MAGI1: variants seen among roughly 807,000 people sequenced by gnomAD.
MAGI1 encodes membrane-associated guanylate kinase, WW and PDZ domain-containing protein 1.
A neutral mutation model predicts 139.9 loss-of-function variants in MAGI1; 58 were observed. The ratio of observed to expected loss-of-function variants is 0.41; its 90% CI spans 0.34 to 0.52. The LOEUF is 0.52. Ranked by LOEUF, MAGI1 falls within the 20% of genes least tolerant of loss-of-function variation. MAGI1 has a pLI of 0.12. For missense variants in MAGI1, 1,874 were observed against 1,901.6 expected (o/e 0.99, Z 0.27); for synonymous variants, 812 against 737.9 (o/e 1.10, Z -1.63).
intron 1 of MAGI1, among the ~76,000 whole-genome samples, chr3:66,008,470 A>G (rs891589770): frequency 2.0e-5 from 3 of 152,174 alleles, no homozygotes; most frequent in African/African-American, 4.8e-5. Context: ...CAGGCACAGC[A>G]ATGCCCTTGA....
intron 1 of MAGI1, among the ~76,000 whole-genome samples, chr3:65,998,453 C>T (rs1397132295): frequency 1.3e-5 from 2 of 152,186 alleles, no homozygotes; most frequent in Non-Finnish European, 2.9e-5. Flanking sequence ...AATGAAAAGA[C>T]TCAACTTGTT....
intron 1 of MAGI1, among the ~76,000 whole-genome samples, chr3:65,876,958 T>C (rs1036825656): frequency 2.0e-5 from 3 of 152,178 alleles, no homozygotes; most frequent in Non-Finnish European, 4.4e-5. Flanking sequence ...TTAGCCAGGA[T>C]GGTCTCAATC....
At chr3:65,797,684 C>T (rs2040236409) in intron 1 of MAGI1, among the ~76,000 whole-genome samples, 2 of 152,006 alleles carry the variant, frequency 1.3e-5, no homozygotes, top group Admixed American at 6.6e-5. Flanking sequence ...CCACTGCACT[C>T]CAGCTTGAGC....
intron 1 of MAGI1, among the ~76,000 whole-genome samples, chr3:65,717,116 T>C (rs943076327): frequency 3.9e-5 from 6 of 152,180 alleles, no homozygotes; most frequent in African/African-American, 1.4e-4. Flanking sequence ...AGAGGAGGCC[T>C]TTTCCTGGCT....
In MAGI1 at chr3:65,367,027, C is replaced by T. The variant is rs559707832; in HGVS notation, c.3197-2081G>A. Among the ~76,000 whole-genome samples, 9 of 152,284 alleles carry T rather than the reference C, an allele frequency of 5.9e-5. No homozygotes were observed. In the East Asian group the frequency reaches 7.7e-4, roughly 13 times the overall value. ...AGGACAAACAAGCTGTATAGCCCAT[C>T]GCTGTGACTCTCCAGAACTTTCATA... is the stretch of plus-strand genomic sequence containing the variant. On this transcript the variant is annotated intron_variant, in intron 18 of 22. Transcript: ENST00000402939.
intron 12 of MAGI1, among the ~76,000 whole-genome samples, chr3:65,415,827 C>T (rs1010479676): frequency 6.6e-6 from 1 of 152,122 alleles, no homozygotes; most frequent in Non-Finnish European, 1.5e-5. Context: ...ACTGGGGAGA[C>T]GGGGGTGCTA....
chr3:65,627,486 T>TG (rs2084037758), intron 1 of MAGI1, among the ~76,000 whole-genome samples: 2 of 10,744 alleles, frequency 1.9e-4, no homozygotes, highest in Non-Finnish European at 3.5e-4. Flanking sequence ...TTTCTGTATC[T>TG]TTTTTTTTTT....
chr3:65,539,146 T>C (rs2079092626), intron 2 of MAGI1, among the ~76,000 whole-genome samples: 1 of 151,850 alleles, frequency 6.6e-6, no homozygotes, highest in Non-Finnish European at 1.5e-5. Context: ...ATGTACCAAC[T>C]ACCGTCAAAC....
chr3:65,481,725 T>C lies in MAGI1; in HGVS notation c.551-2927A>G, dbSNP rs114506675. On this transcript the variant is annotated intron_variant, in intron 3 of 22. Transcript: ENST00000402939. ...TCATAAAATTATTAATCATTTAAAA[T>C]CAATGAAAACTTCAACATCTGCATT... Among the ~76,000 whole-genome samples the C allele has an allele frequency of 2.5e-3, 378 of 152,286 alleles. 1 individual carries two copies. The highest frequency in any genetic ancestry group is 8.3e-3 in the African/African-American group (343 of 41,562).
Position 65,611,023 on chromosome 3 carries a change from GTGTATATAGTATATA to G in MAGI1, c.430+10934_430+10948del, listed in dbSNP as rs2106936242. Among the ~76,000 whole-genome samples the G allele has an allele frequency of 1.6e-5, 2 of 127,166 alleles. 1 individual carries two copies. The highest frequency in any genetic ancestry group is 4.9e-4 in the South Asian group (2 of 4,078). 83.4% of individuals were successfully genotyped at this position (127,166 alleles called of 152,430 possible). A position where few individuals can be genotyped will look rare whatever the true frequency, so the allele number is the denominator to read the frequency against. Reference sequence around the variant, plus strand: ...ATATACATATATACATACATATAGTGTGTATATAGTATATATACTATATACATATATACATACATA... The same window carrying G: ...ATATACATATATACATACATATAGTGTACTATATACATATATACATACATA... On this transcript the variant is annotated intron_variant, in intron 2 of 22. Transcript: ENST00000402939.
chr3:65,993,409 G>T (rs866278014), intron 1 of MAGI1, among the ~76,000 whole-genome samples: 15 of 152,140 alleles, frequency 9.9e-5, no homozygotes, highest in Non-Finnish European at 1.8e-4. Context: ...GAAACCCACA[G>T]GCAATTAGAA....
chr3:65,410,380 G>A (rs1945699703), intron 12 of MAGI1, among the ~76,000 whole-genome samples: 1 of 152,218 alleles, frequency 6.6e-6, no homozygotes, highest in African/African-American at 2.4e-5. Flanking sequence ...TGATGGTCAA[G>A]TAACATGGCC....
intron 1 of MAGI1, among the ~76,000 whole-genome samples, chr3:65,638,627 T>TCC (rs1553684278): frequency 3.5e-5 from 4 of 115,498 alleles, no homozygotes; most frequent in African/African-American, 1.5e-4. Context: ...TTTTTTTTTT[T>TCC]CAGACAGAGT....
chr3:65,487,986 T>C (rs928993919), intron 3 of MAGI1, among the ~76,000 whole-genome samples: 1 of 152,220 alleles, frequency 6.6e-6, no homozygotes, highest in South Asian at 2.1e-4. Flanking sequence ...CAAGAACCAC[T>C]GGCTGCCATA....
chr3:65,702,150 G>A (rs1385218523), intron 1 of MAGI1, among the ~76,000 whole-genome samples: 1 of 152,110 alleles, frequency 6.6e-6, no homozygotes, highest in East Asian at 1.9e-4. Context: ...CGAGCCCACT[G>A]GTCCCCCATA....
chr3:65,373,416 C>A (rs1358862013), intron 18 of MAGI1, among the ~76,000 whole-genome samples: 1 of 152,052 alleles, frequency 6.6e-6, no homozygotes, highest in Admixed American at 6.6e-5. Flanking sequence ...GTCATCACAG[C>A]AGATATAATA....
intron 1 of MAGI1, among the ~76,000 whole-genome samples, chr3:65,888,537 T>G (rs561071545): frequency 3.4e-4 from 52 of 152,208 alleles, no homozygotes; most frequent in African/African-American, 1.3e-3. Context: ...ATTATACAAG[T>G]AGTAAATGGG....
intron 1 of MAGI1, among the ~76,000 whole-genome samples, chr3:65,721,821 T>C (rs576670551): frequency 1.4e-5 from 2 of 147,092 alleles, no homozygotes; most frequent in African/African-American, 5.1e-5. Flanking sequence ...TCTGTTTGTA[T>C]GTTTTGTTTT....
In MAGI1 at chr3:65,559,547, A is replaced by G. The variant is rs568378109; in HGVS notation, c.430+62425T>C. On this transcript the variant is annotated intron_variant, in intron 2 of 22. Coordinates refer to ENST00000402939, the MANE Select transcript of MAGI1 (RefSeq NM_001033057.2). ...CTGTTGAAATAGATTTCTCTCTAATATTCTAACATTCATACAGTGCTTACT... is the reference window on the plus strand; with the variant it reads ...CTGTTGAAATAGATTTCTCTCTAATGTTCTAACATTCATACAGTGCTTACT... Among the ~76,000 whole-genome samples the G allele has an allele frequency of 4.1e-4, 62 of 152,288 alleles. 1 individual carries two copies. The highest frequency in any genetic ancestry group is 1.4e-3 in the African/African-American group (59 of 41,550).
Sources: gnomAD v4.1 joint callset for allele counts (sites outside exome capture counted in the v4.1 genomes callset) on GRCh38, gnomAD v4.1.1 for gene constraint, MANE v1.5 for transcripts, NCBI Gene and HGNC (gene_info 2026-07-23, HGNC 2026-07-21) for gene names.